The following UBAC2 variants were observed in gnomAD, a reference collection of about 807,000 sequenced individuals.
UBAC2 encodes the protein UBA domain containing 2.
In UBAC2, 26 loss-of-function variants were observed where a neutral mutation model predicts 44.0. The ratio of observed to expected loss-of-function variants is 0.59; its 90% confidence interval spans 0.43 to 0.82. The LOEUF is 0.82. Among genes scored for constraint, UBAC2 ranks in the 40% least tolerant of loss-of-function variants. The probability of loss-of-function intolerance (pLI) is 0.00; values close to 1 mark genes in which losing one functional copy is unlikely to be tolerated. For synonymous variants in UBAC2, 155 were observed against 154.3 expected (o/e 1.00, Z -0.04); for missense variants, 329 against 419.4 (o/e 0.78, Z 1.88).
chr13:99,322,078 T>C (rs571196022), intron 6 of UBAC2, among the ~76,000 whole-genome samples: 5 of 152,354 alleles, frequency 3.3e-5, no homozygotes, highest in Non-Finnish European at 5.9e-5. Context: ...GTTGCAAAAT[T>C]GTAATTGGAA....
intron 7 of UBAC2, among the ~76,000 whole-genome samples, chr13:99,360,571 T>G (rs2045251959): frequency 6.6e-6 from 1 of 152,228 alleles, no homozygotes; most frequent in South Asian, 2.1e-4. Context: ...TCTGCCGTTA[T>G]TCCTTAGCAT....
intron 7 of UBAC2, among the ~76,000 whole-genome samples, chr13:99,349,243 A>G (rs1366639595): frequency 1.3e-5 from 2 of 152,204 alleles, no homozygotes; most frequent in Admixed American, 6.5e-5. Context: ...GCTGTAGCAA[A>G]GAAGCTCTGT....
intron 4 of UBAC2, among the ~76,000 whole-genome samples, chr13:99,248,541 C>G (rs1410195593): frequency 1.3e-5 from 2 of 152,110 alleles, no homozygotes; most frequent in African/African-American, 4.8e-5. Context: ...GCCACCATGC[C>G]TGGCTATTTT....
chr13:99,366,729 C>T (rs1489118716), intron 7 of UBAC2, among the ~76,000 whole-genome samples: 3 of 152,224 alleles, frequency 2.0e-5, no homozygotes, highest in Admixed American at 6.5e-5. Flanking sequence ...GACCCAAGGC[C>T]GCATCTTCCG....
At chr13:99,325,179 C>T (rs796476053) in intron 6 of UBAC2, among the ~76,000 whole-genome samples, 7 of 149,920 alleles carry the variant, frequency 4.7e-5, no homozygotes, top group African/African-American at 1.7e-4. Context: ...CTTGGTTCAC[C>T]GCAAGCTCCA....
At chr13:99,330,374 G>T (rs896953658) in intron 6 of UBAC2, among the ~76,000 whole-genome samples, 1 of 144,112 alleles carries the variant, frequency 6.9e-6, no homozygotes, top group Non-Finnish European at 1.5e-5. Context: ...CAGGAGAATC[G>T]CTTGAACCTG....
At chr13:99,317,910 T>C in intron 5 of UBAC2, 112 bp from the exon 6 acceptor site, 2 of 785,884 alleles carry the variant, frequency 2.5e-6, no homozygotes, top group Non-Finnish European at 4.0e-6. Context: ...TATTATGGCA[T>C]ATATAATTAA....
intron 1 of UBAC2, among the ~76,000 whole-genome samples, chr13:99,202,694 C>T (rs562060386): frequency 2.6e-5 from 4 of 152,194 alleles, no homozygotes; most frequent in East Asian, 1.9e-4. Flanking sequence ...CAGGGAGAGG[C>T]GTAGGTCTGG....
Position 99,318,458 on chromosome 13 carries a change from C to T in UBAC2, c.561+389C>T, listed in dbSNP as rs540437915. ...CTGGGATTACAGGCATGAGCCGCTG[C>T]ACCCGGCTCTCAACATTCTTTTAAC... is the stretch of plus-strand genomic sequence containing the variant. On this transcript the variant is annotated intron_variant, in intron 6 of 8. Coordinates refer to ENST00000403766, the MANE Select transcript of UBAC2 (RefSeq NM_001144072.2). Among the ~76,000 whole-genome samples the T allele has an allele frequency of 5.3e-5, 8 of 151,294 alleles. No homozygotes were observed. The South Asian group carries it at 1.5e-3, about 28-fold the overall frequency.
intron 1 of UBAC2, among the ~76,000 whole-genome samples, chr13:99,232,010 A>G (rs2043178528): frequency 6.6e-6 from 1 of 152,188 alleles, no homozygotes; most frequent in South Asian, 2.1e-4. Flanking sequence ...TATCAGAGCT[A>G]TGCAGAAATG....
At chr13:99,202,557 A>G (rs913636153) in intron 1 of UBAC2, among the ~76,000 whole-genome samples, 1 of 152,220 alleles carries the variant, frequency 6.6e-6, no homozygotes, top group Non-Finnish European at 1.5e-5. Flanking sequence ...GCTGTACTGT[A>G]TTAGCCATGA....
At position 99,335,552 on chromosome 13, in the gene UBAC2, C is replaced by T. The variant is rs117271780; in HGVS notation, c.562-4768C>T. 5.5e-3 allele frequency among the ~76,000 whole-genome samples: 831 copies of T among 152,232 alleles called. 11 individuals carry two copies. The highest frequency in any genetic ancestry group is 0.041 in the South Asian group (200 of 4,820). On this transcript the variant is annotated intron_variant, in intron 6 of 8. Coordinates refer to ENST00000403766, the MANE Select transcript of UBAC2 (RefSeq NM_001144072.2). ...CAGATGTGTGCACAAACGGCATAGA[C>T]TATTATTTTGTTGTCTGAAATTTTG...
intron 1 of UBAC2, chr13:99,215,484 A>T (rs2042981698): frequency 4.2e-6 from 6 of 1,434,670 alleles, no homozygotes; most frequent in Admixed American, 3.4e-5. Flanking sequence ...CATCTGCACG[A>T]ATAGCAAGTT....
intron 7 of UBAC2, among the ~76,000 whole-genome samples, chr13:99,359,434 C>T (rs545527514): frequency 1.5e-4 from 23 of 152,274 alleles, no homozygotes; most frequent in African/African-American, 5.1e-4. Context: ...TCAAGTAAAA[C>T]GATCTAGTCT....
At chr13:99,302,200 T>C (rs2044266806) in intron 4 of UBAC2, among the ~76,000 whole-genome samples, 1 of 152,122 alleles carries the variant, frequency 6.6e-6, no homozygotes, top group African/African-American at 2.4e-5. Flanking sequence ...TAATTATATG[T>C]GTATATTGTT....
chr13:99,202,072 CAAAA>C (rs776251286), intron 1 of UBAC2, among the ~76,000 whole-genome samples: 27 of 71,960 alleles, frequency 3.8e-4, no homozygotes, highest in African/African-American at 9.3e-4. Flanking sequence ...GACTCCATCT[CAAAA>C]AAAAAAAAAA....
intron 4 of UBAC2, 58 bp downstream of exon 4, chr13:99,244,682 T>A: frequency 1.0e-6 from 1 of 974,352 alleles, no homozygotes; most frequent in South Asian, 1.5e-5. Flanking sequence ...ATTTAAAGTG[T>A]TATTATTATT....
intron 4 of UBAC2, among the ~76,000 whole-genome samples, chr13:99,269,201 T>C (rs897017190): frequency 6.6e-6 from 1 of 152,166 alleles, no homozygotes; most frequent in Non-Finnish European, 1.5e-5. Context: ...GTACCACAAA[T>C]GGAGTGCCTA....
At chr13:99,374,560 T>C (rs1488189420) in intron 8 of UBAC2, among the ~76,000 whole-genome samples, 1 of 152,218 alleles carries the variant, frequency 6.6e-6, no homozygotes, top group East Asian at 1.9e-4. Context: ...AATAGCAAAA[T>C]GTATTTAGTA....
Sources: allele counts gnomAD v4.1 joint callset (sites outside exome capture counted in the v4.1 genomes callset), GRCh38; gene constraint gnomAD v4.1.1; transcripts MANE v1.5; gene names NCBI Gene and HGNC (gene_info 2026-07-23, HGNC 2026-07-21).